Variants in ATP6V0A4 observed in about 807,000 individuals in gnomAD.
The protein encoded by ATP6V0A4 is ATPase H+ transporting V0 subunit a4, also known as V-type proton ATPase 116 kDa subunit a 4.
In ATP6V0A4, 86 loss-of-function variants were observed where a neutral mutation model predicts 107.3. The ratio of observed to expected loss-of-function variants is 0.80; its 90% CI spans 0.67 to 0.96. The LOEUF (loss-of-function observed/expected upper bound fraction) is 0.96. Ranked by LOEUF, ATP6V0A4 falls within the 40% of genes least tolerant of loss-of-function variation. The pLI is 0.00. For missense variants in ATP6V0A4, 908 were observed against 1,045.6 expected (o/e 0.87, Z 1.81); for synonymous variants, 353 against 381.4 (o/e 0.93, Z 0.87).
At chr7:138,768,754 G>C in intron 5 of ATP6V0A4, 26 bp downstream of exon 5, 2 of 1,613,454 alleles carry the variant, frequency 1.2e-6, no homozygotes, top group Non-Finnish European at 1.7e-6. Flanking sequence ...CCTTACCTGG[G>C]GAGGCCAGCA....
At chr7:138,767,276 A>C (rs1807139720) in intron 5 of ATP6V0A4, among the ~76,000 whole-genome samples, 1 of 152,208 alleles carries the variant, frequency 6.6e-6, no homozygotes, top group African/African-American at 2.4e-5. Flanking sequence ...TAATCCCAGC[A>C]CTTTGGGAGG....
rs757211932 is a variant in ATP6V0A4 at position 138,762,392 on chromosome 7, A to G, written c.460T>C (p.Ser154Pro). The change falls in exon 7 of 22, where the codon TCT becomes CCT. Residue 154 changes from serine (S) to proline (P), a missense_variant. Ser to Pro is a moderately conservative substitution (Grantham distance 74, BLOSUM62 -1). Transcript: ENST00000310018. ...ACTGCTTTCAACTCCAGGAGGCCAG[A>G]AGTGTCCTCAGTAAAGAAATCATCA... ...LADDFFTEDT[S>P]GLLELKAVPA... The G allele has an allele frequency of 3.1e-6, 5 of 1,614,148 alleles. No homozygotes were observed. Among genetic ancestry groups the G allele is most frequent in the Non-Finnish European group, 4.2e-6 (5 of 1,180,014 alleles).
At chr7:138,752,497 C>A (rs1806284067) in intron 11 of ATP6V0A4, 128 bp downstream of exon 11, 2 of 1,223,156 alleles carry the variant, frequency 1.6e-6, no homozygotes, top group Non-Finnish European at 1.2e-6. Flanking sequence ...ACTGAAGACA[C>A]AAAGATGAAG....
At chr7:138,735,800 A>C (rs1396434044) in intron 15 of ATP6V0A4, among the ~76,000 whole-genome samples, 2 of 40,092 alleles carry the variant, frequency 5.0e-5, no homozygotes, top group Non-Finnish European at 4.6e-5. Context: ...ACCCAGCCAA[A>C]TCTGACACAT....
chr7:138,744,678 G>A (rs887412870), intron 14 of ATP6V0A4, among the ~76,000 whole-genome samples: 11 of 150,978 alleles, frequency 7.3e-5, no homozygotes, highest in East Asian at 2.0e-4. Context: ...GACTAAAGGC[G>A]TGCCAACACA....
intron 2 of ATP6V0A4, among the ~76,000 whole-genome samples, chr7:138,772,141 G>A (rs1419504312): frequency 3.4e-4 from 51 of 152,122 alleles, no homozygotes; most frequent in Admixed American, 3.3e-3. Flanking sequence ...TATATCCAAC[G>A]TTAACGTGTA....
chr7:138,730,866 T>C (rs1161682972), intron 17 of ATP6V0A4, among the ~76,000 whole-genome samples: 2 of 152,038 alleles, frequency 1.3e-5, no homozygotes, highest in Non-Finnish European at 2.9e-5. Context: ...CACCTGTTTC[T>C]GATTCTTATC....
intron 18 of ATP6V0A4, among the ~76,000 whole-genome samples, chr7:138,726,076 G>A (rs779333089): frequency 2.0e-4 from 31 of 151,844 alleles, no homozygotes; most frequent in Non-Finnish European, 3.5e-4. Flanking sequence ...TGCAAGCTCC[G>A]CCTCCCGGGC....
chr7:138,711,780 A>C (rs1312021274), intron 20 of ATP6V0A4, among the ~76,000 whole-genome samples: 1 of 152,226 alleles, frequency 6.6e-6, no homozygotes, highest in Non-Finnish European at 1.5e-5. Flanking sequence ...ACAAACTCAC[A>C]TACGCAGACT....
chr7:138,762,506 A>G (rs1806875726), intron 6 of ATP6V0A4, 72 bp from the exon 7 acceptor site: 2 of 1,593,856 alleles, frequency 1.3e-6, no homozygotes, highest in Non-Finnish European at 8.5e-7. Flanking sequence ...ACACCTCAAG[A>G]TTTTCTCTGG....
At chr7:138,764,206 A>G (rs1806974442) in intron 5 of ATP6V0A4, among the ~76,000 whole-genome samples, 1 of 151,960 alleles carries the variant, frequency 6.6e-6, no homozygotes, top group Admixed American at 6.6e-5. Context: ...TAGGATAATG[A>G]TGATCTCGAA....
intron 1 of ATP6V0A4, among the ~76,000 whole-genome samples, chr7:138,792,767 TTTTTTTTTTTG>T (rs1808476845): frequency 2.9e-5 from 2 of 69,346 alleles, no homozygotes; most frequent in African/African-American, 7.0e-5. Flanking sequence ...CTCAGGTTTG[TTTTTTTTTTTG>T]TTGTTTTGTT....
intron 5 of ATP6V0A4, among the ~76,000 whole-genome samples, chr7:138,766,200 A>ATT (rs1398843206): frequency 5.6e-4 from 47 of 84,278 alleles, no homozygotes; most frequent in South Asian, 7.9e-4. Flanking sequence ...TCATGTTATT[A>ATT]TTATTTTTTT....
At chr7:138,707,412 A>T (rs59670361) in intron 21 of ATP6V0A4, among the ~76,000 whole-genome samples, 2,200 of 73,966 alleles carry the variant, frequency 0.03, 80 homozygotes, top group African/African-American at 0.11. Flanking sequence ...ATATATATAT[A>T]TTTTTTGAGA....
intron 20 of ATP6V0A4, among the ~76,000 whole-genome samples, chr7:138,714,887 A>C (rs1418303803): frequency 6.6e-6 from 1 of 152,252 alleles, no homozygotes; most frequent in Non-Finnish European, 1.5e-5. Flanking sequence ...TGCAGATGAG[A>C]TTAAGCCAAG....
chr7:138,738,384 T>C (rs1210345347), intron 15 of ATP6V0A4, among the ~76,000 whole-genome samples: 1 of 152,074 alleles, frequency 6.6e-6, no homozygotes, highest in Non-Finnish European at 1.5e-5. Flanking sequence ...CTGTGGGCTG[T>C]GGAGGGGAGA....
At position 138,752,844 on chromosome 7, in the gene ATP6V0A4, A is replaced by C. The variant is rs892736717; in HGVS notation, c.817-7T>G. The C allele has an allele frequency of 6.2e-7, 1 of 1,613,458 alleles. No homozygotes were observed. Among genetic ancestry groups the C allele is most frequent in the African/African-American group, 1.3e-5 (1 of 74,928 alleles). On this transcript the variant is annotated splice_polypyrimidine_tract_variant and splice_region_variant and intron_variant, in intron 10 of 21. Transcript: ENST00000310018. Reference sequence around the variant, plus strand: ...ACTCTGTTTGTGTTATGACCTATACAAAAAACAACACACAGGAAAACAGAG... The same window carrying C: ...ACTCTGTTTGTGTTATGACCTATACCAAAAACAACACACAGGAAAACAGAG...
At chr7:138,745,309 T>A (rs753527603) in intron 13 of ATP6V0A4, 29 bp from the exon 14 acceptor site, 1 of 1,613,486 alleles carries the variant, frequency 6.2e-7, no homozygotes, top group South Asian at 1.1e-5. Context: ...AGAGGATGAT[T>A]GTCAGTGGGC....
intron 19 of ATP6V0A4, among the ~76,000 whole-genome samples, chr7:138,717,356 G>A (rs1209896764): frequency 1.3e-5 from 2 of 151,376 alleles, no homozygotes; most frequent in Admixed American, 1.3e-4. Flanking sequence ...GACCATCCTG[G>A]CGAACACGGT....
Sources: allele counts gnomAD v4.1 joint callset (sites outside exome capture counted in the v4.1 genomes callset), GRCh38; gene constraint gnomAD v4.1.1; transcripts MANE v1.5; gene names NCBI Gene and HGNC (gene_info 2026-07-23, HGNC 2026-07-21).